Variants in CDC42 observed in about 807,000 individuals in gnomAD.
CDC42 encodes cell division cycle 42.
Under a neutral mutation model 20.8 loss-of-function variants are expected in CDC42, and 1 was observed. That is an observed-to-expected ratio of 0.05 (90% confidence interval 0.02 to 0.23). CDC42 has a LOEUF of 0.23. Among genes scored for constraint, CDC42 ranks in the 10% least tolerant of loss-of-function variants. The probability of loss-of-function intolerance (pLI) is 1.00; values close to 1 mark genes in which losing one functional copy is unlikely to be tolerated. For synonymous variants in CDC42, 72 were observed against 84.8 expected (o/e 0.85, Z 0.83); for missense variants, 49 against 227.9 (o/e 0.21, Z 5.05).
chr1:22,091,791 G>GGT lies in CDC42; in HGVS notation c.*274_*275insGT, dbSNP rs1553196592. On this transcript the variant is annotated 3_prime_UTR_variant, in exon 6 of 6. Coordinates refer to ENST00000656825, the MANE Select transcript of CDC42 (RefSeq NM_001791.4). ...TCAAAAAAAAAATTTTTGTGTGTGT[G>GGT]TGTTTTTTTTTTTTTTTTTTTTGTT... 1.3e-5 allele frequency: 1 copy of GGT among 77,876 alleles called. No homozygotes were observed. Among genetic ancestry groups the GGT allele is most frequent in the African/African-American group, 5.4e-5 (1 of 18,600 alleles). 4.8% of individuals were successfully genotyped at this position (77,876 alleles called of 1,614,324 possible).
At chr1:22,070,716 G>A (rs1378503450) in intron 1 of CDC42, among the ~76,000 whole-genome samples, 3 of 151,658 alleles carry the variant, frequency 2.0e-5, no homozygotes, top group Non-Finnish European at 2.9e-5. Context: ...CGCCTGCCTC[G>A]GCCTTCCAAA....
In CDC42 at chr1:22,066,976, T is replaced by C. The variant is rs565038725; in HGVS notation, c.-50-11453T>C. Reference sequence around the variant, plus strand: ...TACTCAGGAAGTTGAGGCTGGAAAATCGCTTGAACCTGGGAGGCGGAGGTT... The same window carrying C: ...TACTCAGGAAGTTGAGGCTGGAAAACCGCTTGAACCTGGGAGGCGGAGGTT... On this transcript the variant is annotated intron_variant, in intron 1 of 5. Coordinates refer to ENST00000656825, the MANE Select transcript of CDC42 (RefSeq NM_001791.4). Among the ~76,000 whole-genome samples the C allele has an allele frequency of 6.6e-5, 10 of 152,092 alleles. No homozygotes were observed. The South Asian group carries it at 1.9e-3, about 28-fold the overall frequency.
chr1:22,100,397 G>A lies in CDC42; in HGVS notation c.*8880G>A, dbSNP rs1645782822. 6.6e-6 allele frequency among the ~76,000 whole-genome samples: 1 copy of A among 152,220 alleles called. No individual in the cohort carries two copies. Among genetic ancestry groups the A allele is most frequent in the Non-Finnish European group, 1.5e-5 (1 of 68,038 alleles). On this transcript the variant is annotated 3_prime_UTR_variant, in exon 6 of 6. Transcript: ENST00000656825. Reference sequence around the variant, plus strand: ...GAGGCGAAACAACTTGGCATTGTTGGTGTTGTGCGAAGTACATGCATAGGC... The same window carrying A: ...GAGGCGAAACAACTTGGCATTGTTGATGTTGTGCGAAGTACATGCATAGGC...
intron 1 of CDC42, among the ~76,000 whole-genome samples, chr1:22,060,735 G>T (rs1012310884): frequency 2.6e-5 from 4 of 152,076 alleles, no homozygotes; most frequent in African/African-American, 7.2e-5. Flanking sequence ...GAATACTATT[G>T]GAGAAGAACT....
At chr1:22,089,987 C>G in intron 5 of CDC42, 6 of 1,614,012 alleles carry the variant, frequency 3.7e-6, no homozygotes, top group Non-Finnish European at 5.1e-6. Flanking sequence ...TAGCTGCCCT[C>G]GAGCCTCCGG....
At chr1:22,061,532 CTTTTTTTT>C (rs555957608) in intron 1 of CDC42, among the ~76,000 whole-genome samples, 2 of 36,184 alleles carry the variant, frequency 5.5e-5, no homozygotes, top group African/African-American at 1.0e-4. Context: ...ATGTTTCTTT[CTTTTTTTT>C]TTTTTTTTTT....
chr1:22,059,147 C>A, intron 1 of CDC42: 1 of 148,850 alleles, frequency 6.7e-6, no homozygotes, highest in Non-Finnish European at 1.5e-5. Context: ...TTTTTTGAGA[C>A]GGAGTTTTGC....
At chr1:22,084,823 A>G (rs901561996) in intron 3 of CDC42, among the ~76,000 whole-genome samples, 5 of 152,076 alleles carry the variant, frequency 3.3e-5, no homozygotes, top group East Asian at 1.9e-4. Context: ...ATTTTAGTAT[A>G]TAGTATTAGG....
intron 1 of CDC42, among the ~76,000 whole-genome samples, chr1:22,071,747 T>C (rs1324895231): frequency 6.6e-6 from 1 of 152,228 alleles, no homozygotes; most frequent in East Asian, 1.9e-4. Flanking sequence ...GTAGTGCCTC[T>C]TCTTTCTTGT....
chr1:22,085,822 T>C lies in CDC42; in HGVS notation c.179-617T>C, dbSNP rs187349857. 7.9e-5 allele frequency among the ~76,000 whole-genome samples: 12 copies of C among 152,202 alleles called. No individual in the cohort carries two copies. The East Asian group carries it at 2.3e-3, about 29-fold the overall frequency. On this transcript the variant is annotated intron_variant, in intron 3 of 5. Coordinates refer to ENST00000656825, the MANE Select transcript of CDC42 (RefSeq NM_001791.4). ...ATCTGGGTTTCAGTGAGGTTTTTCTTTCCTTAGATGATTTCACTGTGATTG... is the reference window on the plus strand; with the variant it reads ...ATCTGGGTTTCAGTGAGGTTTTTCTCTCCTTAGATGATTTCACTGTGATTG...
intron 1 of CDC42, among the ~76,000 whole-genome samples, chr1:22,077,853 C>T (rs777715178): frequency 3.3e-5 from 5 of 152,194 alleles, no homozygotes; most frequent in Non-Finnish European, 5.9e-5. Flanking sequence ...TTGGACTAGG[C>T]ATTCTGGTGC....
chr1:22,090,259 T>C (rs559555091), intron 5 of CDC42: 1 of 1,216,048 alleles, frequency 8.2e-7, no homozygotes, highest in East Asian at 3.5e-5. Context: ...CTGCTTGAGT[T>C]GCCTGATGCT....
intron 1 of CDC42, among the ~76,000 whole-genome samples, chr1:22,058,943 T>G (rs1645333429): frequency 6.6e-6 from 1 of 151,988 alleles, no homozygotes; most frequent in African/African-American, 2.4e-5. Context: ...GCCTCCCAAG[T>G]AGCTGGGATT....
At chr1:22,087,286 A>G (rs1645670778) in intron 5 of CDC42, among the ~76,000 whole-genome samples, 1 of 152,148 alleles carries the variant, frequency 6.6e-6, no homozygotes, top group Non-Finnish European at 1.5e-5. Flanking sequence ...TTCAACCAGG[A>G]TAGGGAATTA....
intron 5 of CDC42, among the ~76,000 whole-genome samples, 196 bp downstream of exon 5, chr1:22,087,062 T>C (rs1164059879): frequency 2.0e-5 from 3 of 152,146 alleles, no homozygotes; most frequent in Admixed American, 6.5e-5. Context: ...CTAAACCCCT[T>C]GTGTTGGTAA....
Position 22,096,348 on chromosome 1 carries a change from T to C in CDC42, c.*4831T>C, listed in dbSNP as rs1269945720. 1.3e-5 allele frequency among the ~76,000 whole-genome samples: 2 copies of C among 152,198 alleles called. No individual in the cohort carries two copies. The highest frequency in any genetic ancestry group is 2.9e-5 in the Non-Finnish European group (2 of 68,042). On this transcript the variant is annotated 3_prime_UTR_variant, in exon 6 of 6. Coordinates refer to ENST00000656825, the MANE Select transcript of CDC42 (RefSeq NM_001791.4). Reference sequence around the variant, plus strand: ...CACTGAGGATATACAGAGAGTAAAATAGATGTCTCCTGACTTCTACTTGGA... The same window carrying C: ...CACTGAGGATATACAGAGAGTAAAACAGATGTCTCCTGACTTCTACTTGGA...
At position 22,078,447 on chromosome 1, in the gene CDC42, A is replaced by G; in HGVS notation, c.-32A>G. On this transcript the variant is annotated 5_prime_UTR_variant, in exon 2 of 6. Coordinates refer to ENST00000656825, the MANE Select transcript of CDC42 (RefSeq NM_001791.4). ...TTTGCAGGTCATCATCAGATTTGAA[A>G]TATTTAAAGTGGATACAAAACTATT... The G allele has an allele frequency of 6.8e-7, 1 of 1,474,304 alleles. No individual in the cohort carries two copies. Among genetic ancestry groups the G allele is most frequent in the African/African-American group, 1.4e-5 (1 of 71,568 alleles). 91.3% of individuals were successfully genotyped at this position (1,474,304 alleles called of 1,614,324 possible). A position where few individuals can be genotyped will look rare whatever the true frequency, so the allele number is the denominator to read the frequency against.
chr1:22,070,715 C>T (rs1209898097), intron 1 of CDC42, among the ~76,000 whole-genome samples: 3 of 151,924 alleles, frequency 2.0e-5, no homozygotes, highest in Non-Finnish European at 2.9e-5. Context: ...CCGCCTGCCT[C>T]GGCCTTCCAA....
At chr1:22,081,837 T>C (rs1380872591) in intron 3 of CDC42, 43 bp downstream of exon 3, 6 of 1,250,464 alleles carry the variant, frequency 4.8e-6, no homozygotes, top group Non-Finnish European at 7.0e-6. Flanking sequence ...TCTTTAACAG[T>C]TGCTAGTTGT....
Sources: allele counts gnomAD v4.1 joint callset (sites outside exome capture counted in the v4.1 genomes callset), GRCh38; gene constraint gnomAD v4.1.1; transcripts MANE v1.5; gene names NCBI Gene and HGNC (gene_info 2026-07-23, HGNC 2026-07-21).